ADAMTSL3: variants seen among roughly 807,000 people sequenced by gnomAD.
ADAMTSL3 encodes ADAMTS-like protein 3.
In ADAMTSL3, 128 loss-of-function variants were observed where a neutral mutation model predicts 201.7. That is an observed-to-expected ratio of 0.63 (90% CI 0.55 to 0.73). The LOEUF (loss-of-function observed/expected upper bound fraction) is 0.73, where lower values mean the gene tolerates loss of function less well. ADAMTSL3 is among the 30% of genes least tolerant of loss of function. The pLI is 0.00. For missense variants in ADAMTSL3, 1,990 were observed against 2,119.6 expected (o/e 0.94, Z 1.20); for synonymous variants, 738 against 748.4 (o/e 0.99, Z 0.23).
chr15:83,827,226 C>T (rs2064044229), intron 6 of ADAMTSL3, among the ~76,000 whole-genome samples: 1 of 152,192 alleles, frequency 6.6e-6, no homozygotes, highest in South Asian at 2.1e-4. Context: ...GATGGTATCT[C>T]ATTGTGGTTT....
chr15:83,702,797 G>T (rs2061794740), intron 2 of ADAMTSL3, among the ~76,000 whole-genome samples: 1 of 152,224 alleles, frequency 6.6e-6, no homozygotes, highest in South Asian at 2.1e-4. Context: ...GAAGGGAAAT[G>T]TGGGGTCGGA....
chr15:83,694,419 T>A (rs1395458634), intron 2 of ADAMTSL3: 3 of 152,210 alleles, frequency 2.0e-5, no homozygotes, highest in Non-Finnish European at 2.9e-5. Context: ...ACACCTCGTT[T>A]TTTTCTCTAG....
At chr15:83,820,073 C>CAA in intron 6 of ADAMTSL3, 26 bp downstream of exon 6, 11 of 1,584,362 alleles carry the variant, frequency 6.9e-6, no homozygotes, top group African/African-American at 1.3e-5. Flanking sequence ...TCCCAATCCC[C>CAA]TGCTTTGGGG....
intron 19 of ADAMTSL3, among the ~76,000 whole-genome samples, chr15:83,964,326 C>G (rs1471336378): frequency 6.6e-6 from 1 of 151,834 alleles, no homozygotes; most frequent in Admixed American, 6.6e-5. Context: ...TAGAGAAGAA[C>G]AAAAATGACC....
At chr15:83,896,312 G>A (rs2065613373) in intron 13 of ADAMTSL3, among the ~76,000 whole-genome samples, 1 of 152,092 alleles carries the variant, frequency 6.6e-6, no homozygotes, top group Non-Finnish European at 1.5e-5. Context: ...CAGAATTAGT[G>A]GGGTCTGAAG....
chr15:83,825,842 A>G (rs564380268), intron 6 of ADAMTSL3, among the ~76,000 whole-genome samples: 5 of 152,078 alleles, frequency 3.3e-5, no homozygotes, highest in Non-Finnish European at 7.4e-5. Flanking sequence ...GAGAATACCC[A>G]TGGAATAGTG....
At chr15:83,692,674 A>T (rs1213356703) in intron 2 of ADAMTSL3, among the ~76,000 whole-genome samples, 41 of 140,640 alleles carry the variant, frequency 2.9e-4, no homozygotes, top group Admixed American at 2.7e-3. Flanking sequence ...CGACAGAGCG[A>T]GACTCCATCT....
intron 6 of ADAMTSL3, among the ~76,000 whole-genome samples, chr15:83,830,165 G>A (rs1341105072): frequency 1.3e-5 from 2 of 152,256 alleles, no homozygotes; most frequent in Admixed American, 1.3e-4. Context: ...GGGGCATGGG[G>A]CAAAGGTGAT....
At chr15:83,766,758 G>A (rs761196126) in intron 3 of ADAMTSL3, among the ~76,000 whole-genome samples, 4 of 152,202 alleles carry the variant, frequency 2.6e-5, no homozygotes, top group Non-Finnish European at 5.9e-5. Context: ...TTTATTGGAT[G>A]TTTTATTGTA....
At chr15:83,943,118 T>C in intron 19 of ADAMTSL3, 36 bp downstream of exon 19, 1 of 1,557,814 alleles carries the variant, frequency 6.4e-7, no homozygotes. Flanking sequence ...TCCCTTCTTT[T>C]CTGCCCCTCC....
intron 6 of ADAMTSL3, among the ~76,000 whole-genome samples, chr15:83,832,208 C>T (rs1030035609): frequency 7.2e-5 from 11 of 152,170 alleles, no homozygotes; most frequent in African/African-American, 2.6e-4. Context: ...CTTTTATTTG[C>T]CTGCAGTCAA....
At chr15:84,034,240 T>G (rs1487034458) in intron 28 of ADAMTSL3, among the ~76,000 whole-genome samples, 1 of 152,154 alleles carries the variant, frequency 6.6e-6, no homozygotes, top group Admixed American at 6.5e-5. Context: ...GACCATGGGC[T>G]CTCTGTAGGT....
At chr15:83,866,921 T>C (rs185823934) in intron 8 of ADAMTSL3, among the ~76,000 whole-genome samples, 130 of 152,308 alleles carry the variant, frequency 8.5e-4, no homozygotes, top group African/African-American at 2.8e-3. Flanking sequence ...ATCTGTTGCT[T>C]GGACTATTTC....
chr15:83,993,570 T>C (rs1844190690), intron 23 of ADAMTSL3, among the ~76,000 whole-genome samples: 1 of 152,184 alleles, frequency 6.6e-6, no homozygotes, highest in South Asian at 2.1e-4. Flanking sequence ...GAAGTTCATC[T>C]TTTTTTATAG....
At chr15:83,902,663 C>T (rs1185532569) in intron 15 of ADAMTSL3, among the ~76,000 whole-genome samples, 1 of 152,114 alleles carries the variant, frequency 6.6e-6, no homozygotes, top group South Asian at 2.1e-4. Context: ...TGGGACTTGG[C>T]AGGGTATTAC....
In ADAMTSL3 at chr15:83,654,659, CG is replaced by C. The variant is rs917119188; in HGVS notation, c.-34+388del. ...ACTGGGTAGCGAGCGCCCAGAACGCCGGGGGTTGAGGCGACGCGCGATCGTG... is the reference window on the plus strand; with the variant it reads ...ACTGGGTAGCGAGCGCCCAGAACGCCGGGGTTGAGGCGACGCGCGATCGTG... On this transcript the variant is annotated intron_variant, in intron 1 of 29. Coordinates refer to ENST00000286744, the MANE Select transcript of ADAMTSL3 (RefSeq NM_207517.3). The surrounding 1 kb of genome is among the most constrained non-coding windows in gnomAD (Gnocchi z 5.3). 3.3e-5 allele frequency among the ~76,000 whole-genome samples: 5 copies of C among 152,066 alleles called. No individual in the cohort carries two copies. Among genetic ancestry groups the C allele is most frequent in the African/African-American group, 1.2e-4 (5 of 41,418 alleles).
At chr15:83,766,881 G>A (rs2062900660) in intron 3 of ADAMTSL3, among the ~76,000 whole-genome samples, 1 of 152,202 alleles carries the variant, frequency 6.6e-6, no homozygotes, top group Non-Finnish European at 1.5e-5. Flanking sequence ...GATCACCTGA[G>A]GTCAGGAGTT....
chr15:83,740,429 A>G (rs892608720), intron 3 of ADAMTSL3, among the ~76,000 whole-genome samples: 3 of 152,228 alleles, frequency 2.0e-5, no homozygotes, highest in African/African-American at 2.4e-5. Flanking sequence ...GAAGAATCCA[A>G]ATTAAAATTA....
In ADAMTSL3 at chr15:83,850,516, T is replaced by TTA. The variant is rs34109594; in HGVS notation, c.728-8237_728-8236dup. ...ATTTATATATAAAAATATTTTTAAATTATATATATATATAGAACACTCTTT... is the reference window on the plus strand; with the variant it reads ...ATTTATATATAAAAATATTTTTAAATTATATATATATATATAGAACACTCTTT... On this transcript the variant is annotated intron_variant, in intron 7 of 29. Coordinates refer to ENST00000286744, the MANE Select transcript of ADAMTSL3 (RefSeq NM_207517.3). Among the ~76,000 whole-genome samples the TTA allele has an allele frequency of 3.5e-4, 52 of 149,124 alleles. No homozygotes were observed. The East Asian group carries it at 3.9e-3, about 11-fold the overall frequency.
Sources: allele counts gnomAD v4.1 joint callset (sites outside exome capture counted in the v4.1 genomes callset), GRCh38; gene constraint gnomAD v4.1.1; non-coding constraint Gnocchi (gnomAD v3.1); transcripts MANE v1.5; gene names NCBI Gene and HGNC (gene_info 2026-07-23, HGNC 2026-07-21).